PSD3: variants seen among roughly 807,000 people sequenced by gnomAD.
The protein encoded by PSD3 is PH and SEC7 domain-containing protein 3.
In PSD3, 49 loss-of-function variants were observed where a neutral mutation model predicts 105.5. That is an observed-to-expected ratio of 0.46 (90% CI 0.37 to 0.59). PSD3 has a LOEUF of 0.59. Ranked by LOEUF, PSD3 falls within the 20% of genes least tolerant of loss-of-function variation. The probability of loss-of-function intolerance (pLI) is 0.00; values close to 1 mark genes in which losing one functional copy is unlikely to be tolerated. For synonymous variants in PSD3, 557 were observed against 457.8 expected, an observed-to-expected ratio of 1.22 and a Z score of -2.77; for missense variants, 1,561 against 1,263.8, an observed-to-expected ratio of 1.24 and a Z score of -3.57.
At chr8:18,768,775 T>C (rs13264337) in intron 8 of PSD3, among the ~76,000 whole-genome samples, 70,590 of 151,998 alleles carry the variant, frequency 0.46, 18,764 homozygotes, top group Non-Finnish European at 0.61. Context: ...GCTGTCTAAA[T>C]AGTTACAATG....
At chr8:18,825,095 ATAC>A (rs1813071075) in intron 4 of PSD3, among the ~76,000 whole-genome samples, 1 of 152,230 alleles carries the variant, frequency 6.6e-6, no homozygotes, top group South Asian at 2.1e-4. Flanking sequence ...CCTTTCTGCA[ATAC>A]TACAATATAC....
chr8:18,637,640 T>C (rs947491430), intron 10 of PSD3, among the ~76,000 whole-genome samples: 2 of 152,220 alleles, frequency 1.3e-5, no homozygotes, highest in Non-Finnish European at 2.9e-5. Context: ...AAGTACCATT[T>C]CATTTTATGG....
chr8:18,996,150 G>A (rs541083138), intron 1 of PSD3, among the ~76,000 whole-genome samples: 1 of 151,194 alleles, frequency 6.6e-6, no homozygotes, highest in East Asian at 1.9e-4. Context: ...TTGCCCTGTG[G>A]TTGCTACCTG....
intron 1 of PSD3, among the ~76,000 whole-genome samples, chr8:19,067,670 A>C (rs1829122605): frequency 6.6e-6 from 1 of 152,126 alleles, no homozygotes; most frequent in Non-Finnish European, 1.5e-5. Flanking sequence ...CTCAGGATGG[A>C]AGCTGTTGTC....
intron 15 of PSD3, among the ~76,000 whole-genome samples, chr8:18,538,394 A>AGTCCT (rs1378919605): frequency 1.3e-5 from 2 of 152,234 alleles, no homozygotes; most frequent in African/African-American, 4.8e-5. Flanking sequence ...AAATCAGAGG[A>AGTCCT]CTGAACAAGA....
At chr8:18,617,394 G>A (rs1006316320) in intron 11 of PSD3, among the ~76,000 whole-genome samples, 1 of 152,168 alleles carries the variant, frequency 6.6e-6, no homozygotes, top group Non-Finnish European at 1.5e-5. Flanking sequence ...AGCTGGTCGT[G>A]ATGGTGGGTG....
At chr8:18,914,069 C>T (rs575008852) in intron 2 of PSD3, among the ~76,000 whole-genome samples, 1 of 152,180 alleles carries the variant, frequency 6.6e-6, no homozygotes, top group Admixed American at 6.5e-5. Flanking sequence ...CCAGGGGAGC[C>T]AGGAACCAGC....
chr8:18,962,267 G>A (rs1332906360), intron 1 of PSD3, among the ~76,000 whole-genome samples: 9 of 151,972 alleles, frequency 5.9e-5, no homozygotes, highest in African/African-American at 2.2e-4. Flanking sequence ...AGAAAGATAG[G>A]TCCATTGCAA....
At chr8:18,995,680 G>C (rs779697715) in intron 1 of PSD3, among the ~76,000 whole-genome samples, 16 of 152,032 alleles carry the variant, frequency 1.1e-4, no homozygotes, top group Non-Finnish European at 1.8e-4. Context: ...AGCTTGACTA[G>C]GAAGGCCTCA....
chr8:18,715,392 T>C (rs1333500931), intron 9 of PSD3, among the ~76,000 whole-genome samples: 2 of 152,206 alleles, frequency 1.3e-5, no homozygotes, highest in African/African-American at 4.8e-5. Flanking sequence ...AAACATATTA[T>C]TAATGTATCC....
At chr8:18,711,409 A>G (rs1316793484) in intron 9 of PSD3, among the ~76,000 whole-genome samples, 2 of 152,240 alleles carry the variant, frequency 1.3e-5, no homozygotes, top group African/African-American at 4.8e-5. Flanking sequence ...ACACGCAAAG[A>G]CACAATAGGC....
chr8:19,037,073 C>G lies in PSD3; in HGVS notation c.324+47133G>C, dbSNP rs553738127. Among the ~76,000 whole-genome samples, 62 of 152,342 alleles carry G rather than the reference C, an allele frequency of 4.1e-4. No homozygotes were observed. The South Asian group carries it at 0.012, about 30-fold the overall frequency. On this transcript the variant is annotated intron_variant, in intron 1 of 1. Transcript: ENST00000521475. ...CATCCCATGTGACTGCCAAAGGACT[C>G]TCTTACAGTCCTTACTCTATTGCCA...
intron 13 of PSD3, among the ~76,000 whole-genome samples, chr8:18,573,499 T>C (rs1802276575): frequency 6.6e-6 from 1 of 152,084 alleles, no homozygotes; most frequent in East Asian, 1.9e-4. Context: ...ACACAAAGAT[T>C]TGTATGTTAG....
chr8:18,579,150 A>G (rs1802651259), intron 12 of PSD3, among the ~76,000 whole-genome samples: 1 of 149,234 alleles, frequency 6.7e-6, no homozygotes, highest in African/African-American at 2.5e-5. Context: ...CAAAACCAAG[A>G]GTAGAGTGGA....
At chr8:18,553,712 T>A (rs1460207100) in intron 15 of PSD3, among the ~76,000 whole-genome samples, 1 of 152,200 alleles carries the variant, frequency 6.6e-6, no homozygotes, top group Non-Finnish European at 1.5e-5. Flanking sequence ...ATGACTTCAA[T>A]GTTAATTTAA....
chr8:18,546,385 C>T lies in PSD3; in HGVS notation c.2928+9824G>A, dbSNP rs560926071. On this transcript the variant is annotated intron_variant, in intron 15 of 15. Coordinates refer to ENST00000327040, the MANE Select transcript of PSD3 (RefSeq NM_015310.4). Reference sequence around the variant, plus strand: ...AAGTAGTCATCTTACCAGTCCATGTCCAATTTTGAGCTTGTCTTGGTAAAG... The same window carrying T: ...AAGTAGTCATCTTACCAGTCCATGTTCAATTTTGAGCTTGTCTTGGTAAAG... Among the ~76,000 whole-genome samples, 8 of 152,264 alleles carry T rather than the reference C, an allele frequency of 5.3e-5. No individual in the cohort carries two copies. The South Asian group carries it at 1.7e-3, about 32-fold the overall frequency.
At chr8:18,821,048 C>G (rs1196887698) in intron 4 of PSD3, among the ~76,000 whole-genome samples, 1 of 152,150 alleles carries the variant, frequency 6.6e-6, no homozygotes, top group Admixed American at 6.5e-5. Flanking sequence ...GTCACTGCAC[C>G]CAGCCTAACG....
chr8:18,774,257 G>A (rs1195199803), intron 8 of PSD3, among the ~76,000 whole-genome samples: 1 of 152,056 alleles, frequency 6.6e-6, no homozygotes, highest in East Asian at 1.9e-4. Context: ...AAACATAATA[G>A]CTACATATAT....
chr8:18,562,797 G>C lies in PSD3; in HGVS notation c.2785-6445C>G, dbSNP rs148639952. Among the ~76,000 whole-genome samples, 4 of 152,264 alleles carry C rather than the reference G, an allele frequency of 2.6e-5. No individual in the cohort carries two copies. In the East Asian group the frequency reaches 7.7e-4, roughly 29 times the overall value. ...CCAATTGCACTGGAGGCCGAGGCAGGGGAATTGCTTGAACCTGGGAGGCGG... is the reference window on the plus strand; with the variant it reads ...CCAATTGCACTGGAGGCCGAGGCAGCGGAATTGCTTGAACCTGGGAGGCGG... On this transcript the variant is annotated intron_variant, in intron 14 of 15. Transcript: ENST00000327040.
Sources: gnomAD v4.1 joint callset for allele counts (sites outside exome capture counted in the v4.1 genomes callset) on GRCh38, gnomAD v4.1.1 for gene constraint, MANE v1.5 for transcripts, NCBI Gene and HGNC (gene_info 2026-07-23, HGNC 2026-07-21) for gene names.